DPH5: variants seen among roughly 807,000 people sequenced by gnomAD.
DPH5 encodes the protein diphthine methyl ester synthase.
DPH5 carries 31 observed loss-of-function variants against 31.6 expected under a neutral mutation model. That is an observed-to-expected ratio of 0.98 (90% confidence interval 0.74 to 1.32). The LOEUF is 1.32. Among genes scored for constraint, DPH5 ranks in the 40% most tolerant of loss-of-function variants. DPH5 has a pLI of 0.00. For missense variants in DPH5, 309 were observed against 335.7 expected, an observed-to-expected ratio of 0.92 and a Z score of 0.62; for synonymous variants, 120 against 115.0, an observed-to-expected ratio of 1.04 and a Z score of -0.28.
At chr1:101,006,411 T>C (rs1659234935) in intron 4 of DPH5, among the ~76,000 whole-genome samples, 1 of 151,876 alleles carries the variant, frequency 6.6e-6, no homozygotes, top group African/African-American at 2.4e-5. Flanking sequence ...TTAGAACCAG[T>C]AATAAGTGGA....
rs949002288 is a variant in DPH5 at position 101,021,858 on chromosome 1, A to T, written c.136-93T>A. ...CACACACACACACACACACACACAC[A>T]CTCTTTGTTTGGGACTGGTGCATAT... On this transcript the variant is annotated intron_variant, in intron 2 of 7. Coordinates refer to ENST00000370109, the MANE Select transcript of DPH5 (RefSeq NM_015958.3). The T allele has an allele frequency of 8.2e-5, 95 of 1,157,670 alleles. No individual in the cohort carries two copies. In the African/African-American group the frequency reaches 1.2e-3, roughly 14 times the overall value. The allele number at this position is 1,157,670 out of a possible 1,614,324, so 71.7% of individuals were successfully genotyped here.
At chr1:101,016,807 A>G (rs1660113791) in intron 3 of DPH5, among the ~76,000 whole-genome samples, 1 of 151,774 alleles carries the variant, frequency 6.6e-6, no homozygotes, top group Admixed American at 6.6e-5. Flanking sequence ...GAGACATGTG[A>G]CTCTTTCACT....
At chr1:101,016,963 T>C (rs956925180) in intron 3 of DPH5, among the ~76,000 whole-genome samples, 5 of 152,200 alleles carry the variant, frequency 3.3e-5, no homozygotes, top group Non-Finnish European at 7.3e-5. Context: ...ACAACATTTA[T>C]CAATTAAGTT....
At chr1:100,990,719 T>G in intron 7 of DPH5, 88 bp from the exon 8 acceptor site, 1 of 1,240,590 alleles carries the variant, frequency 8.1e-7, no homozygotes, top group South Asian at 1.4e-5. Flanking sequence ...ACAAGTACAT[T>G]TCAAGAAGCC....
intron 7 of DPH5, among the ~76,000 whole-genome samples, chr1:100,992,040 A>G (rs1657788131): frequency 6.6e-6 from 1 of 151,810 alleles, no homozygotes; most frequent in African/African-American, 2.4e-5. Flanking sequence ...GGAGGCTGCA[A>G]TGAGCTGAGA....
At chr1:100,999,582 T>C (rs1243690754) in intron 5 of DPH5, among the ~76,000 whole-genome samples, 5 of 152,212 alleles carry the variant, frequency 3.3e-5, no homozygotes, top group African/African-American at 9.6e-5. Context: ...AGCTCATACC[T>C]GTAATCCCAG....
At chr1:101,014,729 C>T (rs1659944451) in intron 3 of DPH5, among the ~76,000 whole-genome samples, 1 of 152,154 alleles carries the variant, frequency 6.6e-6, no homozygotes, top group African/African-American at 2.4e-5. Context: ...CACAGTGGAA[C>T]CTCTTTCAAA....
rs138874354 is a variant in DPH5, at chr1:100,998,316, G to C, written c.490+3151C>G. On this transcript the variant is annotated intron_variant, in intron 5 of 7. Transcript: ENST00000370109. The stretch of plus-strand genomic sequence containing the variant: ...ACTTGAGGCCAGGGGTTTGAGACCA[G>C]CCTGGTTAACATGGCAAAACCCCAT... Among the ~76,000 whole-genome samples the C allele has an allele frequency of 1.3e-4, 20 of 152,194 alleles. No individual in the cohort carries two copies. The East Asian group carries it at 3.9e-3, about 29-fold the overall frequency.
rs10527775 is a variant in DPH5 at position 100,993,559 on chromosome 1, A to AATATATATATATATAT, written c.531-835_531-820dup. Among the ~76,000 whole-genome samples the AATATATATATATATAT allele has an allele frequency of 8.1e-3, 457 of 56,346 alleles. 30 individuals carry two copies. The highest frequency in any genetic ancestry group is 0.01 in the Non-Finnish European group (297 of 28,974). The allele number at this position is 56,346 out of a possible 152,430, so 37.0% of individuals were successfully genotyped here. A position where few individuals can be genotyped will look rare whatever the true frequency, so the allele number is the denominator to read the frequency against. Reference sequence around the variant, plus strand: ...AGAGCAAGACTCTGTCGAAAATATAAATATATATATATATATATATATATA... The same window carrying AATATATATATATATAT: ...AGAGCAAGACTCTGTCGAAAATATAAATATATATATATATATATATATATATATATATATATATATA... On this transcript the variant is annotated intron_variant, in intron 6 of 7. Transcript: ENST00000370109.
At chr1:101,025,612 T>G (rs1660771333) in intron 1 of DPH5, 71 bp downstream of exon 1, 1 of 775,946 alleles carries the variant, frequency 1.3e-6, no homozygotes, top group African/African-American at 1.7e-5. Context: ...GCTTAAGAAC[T>G]GGGATAAGAG....
chr1:100,997,444 C>A (rs1159335851), intron 5 of DPH5, among the ~76,000 whole-genome samples: 5 of 152,114 alleles, frequency 3.3e-5, no homozygotes, highest in Non-Finnish European at 7.4e-5. Context: ...CAGCTCAATG[C>A]AAGCTCCGCC....
Position 100,992,687 on chromosome 1 carries a change from TG to T in DPH5, c.583del (p.Gln195SerfsTer28). ...PRYMSVNQAA[Q>X]QLLEIVQNQR... ...ATTTTGAACAATCTCCAGAAGCTGC[TG>T]GGCTGCTTGGTTTACACTCATATAC... is the stretch of plus-strand genomic sequence containing the variant. On this transcript the variant is annotated frameshift_variant, in exon 7 of 8. Coordinates refer to ENST00000370109, the MANE Select transcript of DPH5 (RefSeq NM_015958.3). LOFTEE classifies it high-confidence loss of function. 2 of 1,614,012 alleles carry T rather than the reference TG, an allele frequency of 1.2e-6. No homozygotes were observed. Among genetic ancestry groups the T allele is most frequent in the Non-Finnish European group, 1.7e-6 (2 of 1,179,938 alleles).
intron 5 of DPH5, among the ~76,000 whole-genome samples, chr1:100,999,728 A>G (rs557980849): frequency 6.6e-6 from 1 of 152,046 alleles, no homozygotes; most frequent in African/African-American, 2.4e-5. Context: ...AATCCCAGTT[A>G]CTCGGAAGTC....
At position 101,013,711 on chromosome 1, in the gene DPH5, T is replaced by C; in HGVS notation, c.368A>G (p.Gln123Arg). ...GAAAAACCTCCTTTGTTGCATTACC[T>C]GTAAACCACAGCAGCCTACAGCATT... ...IMNAVGCCGL[Q>R]LYKFGETVSI... Residue 123 changes from glutamine (Q) to arginine (R), a missense_variant and splice_region_variant, in exon 4 of 8, where the codon CAG becomes CGG. Transcript: ENST00000370109. 1 of 1,584,560 alleles carries C rather than the reference T, an allele frequency of 6.3e-7. No individual in the cohort carries two copies. Among genetic ancestry groups the C allele is most frequent in the Non-Finnish European group, 8.6e-7 (1 of 1,165,160 alleles).
At chr1:101,024,087 G>C (rs1660658393) in intron 2 of DPH5, among the ~76,000 whole-genome samples, 1 of 151,872 alleles carries the variant, frequency 6.6e-6, no homozygotes, top group South Asian at 2.1e-4. Context: ...GTGAAAAAAT[G>C]AGAAAAAAAA....
chr1:101,011,533 G>C (rs185604325), intron 4 of DPH5: 4 of 152,230 alleles, frequency 2.6e-5, no homozygotes, highest in Non-Finnish European at 5.9e-5. Context: ...AATTCTCACC[G>C]TAAATTCCCA....
At chr1:100,998,412 G>C (rs1183170539) in intron 5 of DPH5, among the ~76,000 whole-genome samples, 1 of 151,792 alleles carries the variant, frequency 6.6e-6, no homozygotes, top group Non-Finnish European at 1.5e-5. Context: ...AGGAGGCTGA[G>C]GCAGGAGAAT....
chr1:101,018,111 A>G (rs1487977111), intron 3 of DPH5, among the ~76,000 whole-genome samples: 1 of 152,242 alleles, frequency 6.6e-6, no homozygotes, highest in Non-Finnish European at 1.5e-5. Context: ...TCTGTCTGTA[A>G]TAACATGCTT....
At chr1:101,024,051 TTAGA>T (rs111317548) in intron 2 of DPH5, among the ~76,000 whole-genome samples, 6 of 152,312 alleles carry the variant, frequency 3.9e-5, no homozygotes, top group African/African-American at 1.2e-4. Flanking sequence ...CATTTCGAGC[TTAGA>T]TATTTTGGTT....
Sources: gnomAD v4.1 joint callset for allele counts (sites outside exome capture counted in the v4.1 genomes callset) on GRCh38, gnomAD v4.1.1 for gene constraint, MANE v1.5 for transcripts, NCBI Gene and HGNC (gene_info 2026-07-23, HGNC 2026-07-21) for gene names.